Variants in FABP12 observed in about 807,000 individuals in gnomAD.
FABP12 encodes the protein fatty acid-binding protein 12.
Under a neutral mutation model 13.7 loss-of-function variants are expected in FABP12, and 19 were observed. The ratio of observed to expected loss-of-function variants is 1.39; its 90% CI spans 0.97 to 2.04. FABP12 has a LOEUF of 2.04. FABP12 is among the 30% of genes most tolerant of loss of function. The probability of loss-of-function intolerance (pLI) is 0.00; values close to 1 mark genes in which losing one functional copy is unlikely to be tolerated. For missense variants in FABP12, 182 were observed against 164.2 expected (o/e 1.11, Z -0.59); for synonymous variants, 61 against 57.0 (o/e 1.07, Z -0.32).
chr8:81,551,018 C>T (rs1446672458), intron 1 of FABP12, among the ~76,000 whole-genome samples: 1 of 152,052 alleles, frequency 6.6e-6, no homozygotes, highest in Non-Finnish European at 1.5e-5. Context: ...AAATGGATTC[C>T]CCCATAGGGC....
At chr8:81,527,578 G>T (rs1249913605) in intron 3 of FABP12, among the ~76,000 whole-genome samples, 1 of 152,056 alleles carries the variant, frequency 6.6e-6, no homozygotes, top group East Asian at 1.9e-4. Context: ...GGCCAGGATG[G>T]TCTTGAATCT....
chr8:81,579,147 T>A (rs1810112415), intron 1 of FABP12, among the ~76,000 whole-genome samples: 3 of 152,120 alleles, frequency 2.0e-5, no homozygotes, highest in Non-Finnish European at 2.9e-5. Context: ...TATTTTGATG[T>A]TCATTCACTT....
Position 81,529,424 on chromosome 8 carries a change from G to A in FABP12, c.246+14C>T. 2 of 1,612,618 alleles carry A rather than the reference G, an allele frequency of 1.2e-6. No individual in the cohort carries two copies. The highest frequency in any genetic ancestry group is 1.7e-6 in the Non-Finnish European group (2 of 1,178,618). On this transcript the variant is annotated intron_variant, in intron 3 of 4. Transcript: ENST00000360464. ...TCTTTTGAAATGTGTCTGAAAGACTGTCGTAGGCCTCACCTTTGTTTTGTG... is the reference window on the plus strand; with the variant it reads ...TCTTTTGAAATGTGTCTGAAAGACTATCGTAGGCCTCACCTTTGTTTTGTG...
chr8:81,585,877 G>T (rs1367638288), intron 1 of FABP12, among the ~76,000 whole-genome samples: 1 of 152,052 alleles, frequency 6.6e-6, no homozygotes, highest in Non-Finnish European at 1.5e-5. Flanking sequence ...GGGTGCACAT[G>T]CAGGTTTGTT....
intron 1 of FABP12, among the ~76,000 whole-genome samples, chr8:81,546,413 G>A (rs1390538719): frequency 6.6e-6 from 1 of 152,106 alleles, no homozygotes; most frequent in Non-Finnish European, 1.5e-5. Context: ...CAGCACTTTG[G>A]GAGGCGGAGG....
At chr8:81,534,628 T>C (rs1426652855), upstream of FABP12, among the ~76,000 whole-genome samples, 2 of 152,276 alleles carry the variant, frequency 1.3e-5, no homozygotes, top group East Asian at 3.9e-4. Context: ...GATTATATTA[T>C]GATAAAGAGT....
intron 1 of FABP12, among the ~76,000 whole-genome samples, chr8:81,554,337 C>T (rs966583334): frequency 6.6e-6 from 1 of 152,096 alleles, no homozygotes; most frequent in South Asian, 2.1e-4. Context: ...ATAAATAAAC[C>T]TATTTCAATC....
At chr8:81,526,385 A>G (rs946400144) in intron 4 of FABP12, 4 of 152,182 alleles carry the variant, frequency 2.6e-5, no homozygotes, top group Admixed American at 6.5e-5. Context: ...TCTATAAAAT[A>G]TAGAGTGTTC....
At chr8:81,546,112 A>G (rs1395463453) in intron 1 of FABP12, among the ~76,000 whole-genome samples, 1 of 152,202 alleles carries the variant, frequency 6.6e-6, no homozygotes, top group African/African-American at 2.4e-5. Context: ...GTGGGGGTAT[A>G]TATAGATAAT....
intron 1 of FABP12, among the ~76,000 whole-genome samples, chr8:81,570,139 G>T (rs1020983261): frequency 2.6e-5 from 4 of 152,244 alleles, no homozygotes; most frequent in African/African-American, 9.6e-5. Flanking sequence ...TCCCCAGCTG[G>T]CACCAGGGAA....
At chr8:81,551,138 G>A (rs896660849) in intron 1 of FABP12, among the ~76,000 whole-genome samples, 4 of 152,088 alleles carry the variant, frequency 2.6e-5, no homozygotes, top group Non-Finnish European at 4.4e-5. Flanking sequence ...TTGTCTTATG[G>A]GCTACAGAAA....
intron 1 of FABP12, among the ~76,000 whole-genome samples, chr8:81,550,941 A>C (rs774868345): frequency 1.3e-5 from 2 of 152,328 alleles, no homozygotes; most frequent in Non-Finnish European, 2.9e-5. Flanking sequence ...ATGGCCAGAC[A>C]ACTCTATTAC....
At chr8:81,554,396 G>A (rs536718951) in intron 1 of FABP12, among the ~76,000 whole-genome samples, 1 of 152,266 alleles carries the variant, frequency 6.6e-6, no homozygotes, top group African/African-American at 2.4e-5. Context: ...GATTGTGGGG[G>A]ATTTTCCTAA....
At chr8:81,548,056 A>C (rs1478124967) in intron 1 of FABP12, among the ~76,000 whole-genome samples, 1 of 152,190 alleles carries the variant, frequency 6.6e-6, no homozygotes, top group Non-Finnish European at 1.5e-5. Context: ...AAAAGGACAA[A>C]GATTCCTTCC....
intron 1 of FABP12, among the ~76,000 whole-genome samples, chr8:81,547,160 T>C (rs1366186579): frequency 6.6e-6 from 1 of 152,256 alleles, no homozygotes; most frequent in Non-Finnish European, 1.5e-5. Context: ...CACAGAGTCC[T>C]GACACAGGGA....
At chr8:81,585,887 T>A (rs1810231170) in intron 1 of FABP12, among the ~76,000 whole-genome samples, 1 of 152,218 alleles carries the variant, frequency 6.6e-6, no homozygotes. Flanking sequence ...GCAGGTTTGT[T>A]ACGTGGGTAA....
upstream of FABP12, among the ~76,000 whole-genome samples, chr8:81,537,343 G>T (rs914265554): frequency 2.0e-5 from 3 of 152,148 alleles, no homozygotes; most frequent in Admixed American, 6.5e-5. Flanking sequence ...AACTGGAATG[G>T]TTAATGAGCC....
chr8:81,555,291 G>A (rs1002827607), intron 1 of FABP12, among the ~76,000 whole-genome samples: 1 of 152,132 alleles, frequency 6.6e-6, no homozygotes, highest in Non-Finnish European at 1.5e-5. Flanking sequence ...AAGACCCATA[G>A]CCTCGGATTG....
At chr8:81,562,482 T>A (rs189573585) in intron 1 of FABP12, among the ~76,000 whole-genome samples, 2 of 152,314 alleles carry the variant, frequency 1.3e-5, no homozygotes, top group East Asian at 3.9e-4. Context: ...GGGTTCCCAA[T>A]TCTAGGCCTT....
Sources: allele counts gnomAD v4.1 joint callset (sites outside exome capture counted in the v4.1 genomes callset), GRCh38; gene constraint gnomAD v4.1.1; transcripts MANE v1.5; gene names NCBI Gene and HGNC (gene_info 2026-07-23, HGNC 2026-07-21).